MDH1: variants seen among roughly 807,000 people sequenced by gnomAD.
MDH1 encodes the protein malate dehydrogenase 1, also known as malate dehydrogenase, cytoplasmic.
MDH1 carries 15 observed loss-of-function variants against 38.7 expected under a neutral mutation model. The ratio of observed to expected loss-of-function variants is 0.39; its 90% CI spans 0.26 to 0.60. The LOEUF (loss-of-function observed/expected upper bound fraction) is 0.60. MDH1 is among the 20% of genes least tolerant of loss of function. MDH1 has a pLI of 0.56. For synonymous variants in MDH1, 144 were observed against 143.6 expected (o/e 1.00, Z -0.02); for missense variants, 368 against 405.2 (o/e 0.91, Z 0.79).
chr2:63,605,903 AATC>A (rs1709517712), intron 7 of MDH1, 33 bp from the exon 8 acceptor site: 1 of 1,534,176 alleles, frequency 6.5e-7, no homozygotes, highest in Non-Finnish European at 9.0e-7. Flanking sequence ...TGTGTAAACT[AATC>A]ATCATGAGTA....
Position 63,589,013 on chromosome 2 carries a change from G to A in MDH1, c.-31G>A. 1 of 1,614,220 alleles carries A rather than the reference G, an allele frequency of 6.2e-7. No individual in the cohort carries two copies. Among genetic ancestry groups the A allele is most frequent in the South Asian group, 1.1e-5 (1 of 91,090 alleles). On this transcript the variant is annotated 5_prime_UTR_variant, in exon 1 of 9. Transcript: ENST00000233114. ...CTGACTCTCTGAGGCTCATTTTGCA[G>A]TTGTTGAAATTGTCCCCGCAGTTTT... is the stretch of plus-strand genomic sequence containing the variant.
At chr2:63,603,867 G>C (rs572186854) in intron 5 of MDH1, among the ~76,000 whole-genome samples, 3 of 152,134 alleles carry the variant, frequency 2.0e-5, no homozygotes, top group Non-Finnish European at 2.9e-5. Context: ...ATGTTGGTCA[G>C]GCTGGTCTCG....
At chr2:63,599,408 C>A (rs1192505071) in intron 5 of MDH1, 116 bp downstream of exon 5, 3 of 1,003,822 alleles carry the variant, frequency 3.0e-6, no homozygotes, top group Admixed American at 3.3e-5. Context: ...TTAGTAGGAA[C>A]CTATTACTTT....
chr2:63,592,043 C>A (rs1709209610), intron 1 of MDH1, among the ~76,000 whole-genome samples: 1 of 152,168 alleles, frequency 6.6e-6, no homozygotes, highest in African/African-American at 2.4e-5. Flanking sequence ...TCTTTAATTA[C>A]TACTCTCTAC....
At position 63,605,288 on chromosome 2, in the gene MDH1, G is replaced by T; in HGVS notation, c.684G>T (p.Gln228His). The T allele has an allele frequency of 1.2e-6, 2 of 1,612,010 alleles. No individual in the cohort carries two copies. Among genetic ancestry groups the T allele is most frequent in the Non-Finnish European group, 1.7e-6 (2 of 1,178,074 alleles). ...WLKGEFVTTV[Q>H]QRGAAVIKAR... is the part of the protein sequence containing the mutation. ...ACCTGCCCCCTTCCCAGACTGTGCA[G>T]CAGCGTGGCGCTGCTGTCATCAAGG... The change falls in exon 7 of 9, where the codon CAG (glutamine) becomes CAT (histidine). Residue 228 changes from glutamine to histidine, a missense_variant. Physicochemically the swap from Gln to His is conservative, Grantham distance 24 (BLOSUM62 0). Coordinates refer to ENST00000233114, the MANE Select transcript of MDH1 (RefSeq NM_005917.4).
intron 1 of MDH1, chr2:63,589,900 T>C (rs2106592142): frequency 6.3e-6 from 1 of 159,410 alleles, no homozygotes; most frequent in South Asian, 1.7e-4. Flanking sequence ...ATACAATGGC[T>C]TGTATTTATA....
At chr2:63,593,103 T>C (rs1175962050) in intron 1 of MDH1, 1 of 152,550 alleles carries the variant, frequency 6.6e-6, no homozygotes, top group Non-Finnish European at 1.5e-5. Flanking sequence ...GTTTGTTGTT[T>C]TTTGTTTTTT....
intron 4 of MDH1, chr2:63,597,896 A>T (rs938884198): frequency 6.0e-6 from 1 of 165,972 alleles, no homozygotes; most frequent in African/African-American, 2.4e-5. Flanking sequence ...TAGACATTTA[A>T]ATTTGTGTGT....
intron 1 of MDH1, chr2:63,590,392 T>A (rs1709165345): frequency 3.3e-5 from 5 of 152,180 alleles, no homozygotes. Context: ...TCTGAATTTT[T>A]ATTTTTATAG....
intron 3 of MDH1, among the ~76,000 whole-genome samples, chr2:63,597,048 G>T (rs1224599378): frequency 6.6e-6 from 1 of 152,162 alleles, no homozygotes; most frequent in Non-Finnish European, 1.5e-5. Context: ...TAAAGGTTAG[G>T]TGAATTAGTT....
chr2:63,602,464 A>G (rs545489435), intron 5 of MDH1, among the ~76,000 whole-genome samples: 1 of 151,738 alleles, frequency 6.6e-6, no homozygotes, highest in Non-Finnish European at 1.5e-5. Flanking sequence ...TACCTTACAT[A>G]ACTACAGAGT....
intron 1 of MDH1, among the ~76,000 whole-genome samples, chr2:63,593,807 T>G (rs1347716870): frequency 6.6e-6 from 1 of 152,242 alleles, no homozygotes; most frequent in African/African-American, 2.4e-5. Context: ...GCTTAGTCTT[T>G]TTTTACTCAG....
At position 63,589,022 on chromosome 2, in the gene MDH1, A is replaced by G. The variant is rs1337924150; in HGVS notation, c.-22A>G. 6.2e-7 allele frequency: 1 copy of G among 1,614,050 alleles called. No individual in the cohort carries two copies. The highest frequency in any genetic ancestry group is 1.3e-5 in the African/African-American group (1 of 74,912). On this transcript the variant is annotated 5_prime_UTR_variant, in exon 1 of 9. Transcript: ENST00000233114. Reference sequence around the variant, plus strand: ...TGAGGCTCATTTTGCAGTTGTTGAAATTGTCCCCGCAGTTTTCAATCATGG... The same window carrying G: ...TGAGGCTCATTTTGCAGTTGTTGAAGTTGTCCCCGCAGTTTTCAATCATGG...
At chr2:63,592,843 T>C (rs1709225923) in intron 1 of MDH1, among the ~76,000 whole-genome samples, 1 of 152,052 alleles carries the variant, frequency 6.6e-6, no homozygotes. Flanking sequence ...GTAAATAAAA[T>C]AGACAAAGTT....
Position 63,597,555 on chromosome 2 carries a change from AC to A in MDH1, c.357del (p.Tyr119Ter). On this transcript the variant is annotated frameshift_variant, in exon 4 of 9. Transcript: ENST00000233114. LOFTEE classifies it high-confidence loss of function. ...FKSQGAALDK[Y>X]AKKSVKVIVV... ...TCCCAGGGTGCAGCCTTAGATAAAT[AC>A]GCCAAGAAGTCAGTTAAGGTGACCA... is the stretch of plus-strand genomic sequence containing the variant. The A allele has an allele frequency of 7.0e-7, 1 of 1,428,766 alleles. No homozygotes were observed. The highest frequency in any genetic ancestry group is 9.3e-7 in the Non-Finnish European group (1 of 1,078,750). 88.5% of individuals were successfully genotyped at this position (1,428,766 alleles called of 1,614,324 possible). A position where few individuals can be genotyped will look rare whatever the true frequency, so the allele number is the denominator to read the frequency against.
intron 1 of MDH1, among the ~76,000 whole-genome samples, chr2:63,589,543 G>C (rs968743651): frequency 3.9e-5 from 6 of 152,192 alleles, no homozygotes; most frequent in African/African-American, 1.4e-4. Flanking sequence ...TGCAGCAGAC[G>C]TGTTTCCGCC....
intron 1 of MDH1, chr2:63,590,125 A>G (rs1470272419): frequency 6.6e-6 from 1 of 152,242 alleles, no homozygotes; most frequent in Non-Finnish European, 1.5e-5. Context: ...TTTGTCACAT[A>G]ATTAGTCATT....
chr2:63,594,555 T>C lies in MDH1; in HGVS notation c.71T>C (p.Ile24Thr). Residue 24 changes from isoleucine to threonine, a missense_variant, in exon 2 of 9, where the codon ATT becomes ACT. Physicochemically the swap from Ile to Thr is moderately conservative, Grantham distance 89. Transcript: ENST00000233114. ...ATTGCATATTCACTGCTGTACAGTA[T>C]TGGAAATGGATCTGTCTTTGGTAAA... ...GQIAYSLLYS[I>T]GNGSVFGKDQ... The C allele has an allele frequency of 6.2e-7, 1 of 1,613,700 alleles. No homozygotes were observed. The highest frequency in any genetic ancestry group is 1.7e-5 in the Admixed American group (1 of 60,024).
At chr2:63,600,682 G>A (rs1224376924) in intron 5 of MDH1, among the ~76,000 whole-genome samples, 3 of 152,074 alleles carry the variant, frequency 2.0e-5, no homozygotes. Context: ...AATTTAGAGG[G>A]TTGTTGGATA....
Sources: allele counts gnomAD v4.1 joint callset (sites outside exome capture counted in the v4.1 genomes callset), GRCh38; gene constraint gnomAD v4.1.1; transcripts MANE v1.5; gene names NCBI Gene and HGNC (gene_info 2026-07-23, HGNC 2026-07-21).